The following ARHGEF10L variants were observed in gnomAD, a reference collection of about 807,000 sequenced individuals.
The protein encoded by ARHGEF10L is Rho guanine nucleotide exchange factor 10 like, also known as rho guanine nucleotide exchange factor 10-like protein.
A neutral mutation model predicts 141.2 loss-of-function variants in ARHGEF10L; 69 were observed. The ratio of observed to expected loss-of-function variants is 0.49; its 90% confidence interval spans 0.40 to 0.60. The LOEUF is 0.60. Ranked by LOEUF, ARHGEF10L falls within the 20% of genes least tolerant of loss-of-function variation. The probability of loss-of-function intolerance (pLI) is 0.00; values close to 1 mark genes in which losing one functional copy is unlikely to be tolerated. For synonymous variants in ARHGEF10L, 711 were observed against 718.5 expected, an observed-to-expected ratio of 0.99 and a Z score of 0.17; for missense variants, 1,482 against 1,734.3, an observed-to-expected ratio of 0.85 and a Z score of 2.58.
At chr1:17,626,409 G>A (rs1156915053) in intron 14 of ARHGEF10L, among the ~76,000 whole-genome samples, 4 of 152,086 alleles carry the variant, frequency 2.6e-5, no homozygotes, top group African/African-American at 9.7e-5. Context: ...CAGAACAGGG[G>A]ATTCCTAAGG....
At chr1:17,577,911 C>T (rs2078290796) in intron 1 of ARHGEF10L, among the ~76,000 whole-genome samples, 1 of 152,208 alleles carries the variant, frequency 6.6e-6, no homozygotes, top group Non-Finnish European at 1.5e-5. Context: ...TGGTGTCTCT[C>T]TTCCTTTCTA....
At chr1:17,666,498 T>C (rs1461870411) in intron 26 of ARHGEF10L, among the ~76,000 whole-genome samples, 1 of 151,990 alleles carries the variant, frequency 6.6e-6, no homozygotes. Context: ...CAGCATGAGC[T>C]CCAACCTCAT....
chr1:17,684,518 G>T (rs938295725), intron 26 of ARHGEF10L, among the ~76,000 whole-genome samples: 1 of 152,162 alleles, frequency 6.6e-6, no homozygotes, highest in Non-Finnish European at 1.5e-5. Context: ...TGAGGGCCGG[G>T]AGTGGGTGGC....
intron 27 of ARHGEF10L, among the ~76,000 whole-genome samples, chr1:17,690,170 C>A (rs758168073): frequency 1.3e-5 from 2 of 152,154 alleles, no homozygotes; most frequent in Non-Finnish European, 2.9e-5. Flanking sequence ...GCGGTTGTGT[C>A]CCTGTCCTGG....
chr1:17,517,889 T>C, the ARHGEF10L span, among the ~76,000 whole-genome samples: 1 of 152,192 alleles, frequency 6.6e-6, no homozygotes, highest in Non-Finnish European at 1.5e-5. Flanking sequence ...CTCAAACTCC[T>C]GAGCTCAGAT....
intron 4 of ARHGEF10L, among the ~76,000 whole-genome samples, chr1:17,601,135 T>C (rs1429923348): frequency 2.0e-5 from 3 of 151,050 alleles, no homozygotes; most frequent in Non-Finnish European, 4.4e-5. Context: ...TTCGGTACAA[T>C]GTTCCCCACT....
intron 18 of ARHGEF10L, among the ~76,000 whole-genome samples, chr1:17,636,900 C>G (rs1306929421): frequency 6.6e-6 from 1 of 152,102 alleles, no homozygotes; most frequent in Admixed American, 6.5e-5. Context: ...AGGGGCCTAG[C>G]GTTCAAGGCC....
chr1:17,691,287 G>A (rs1005208081), intron 27 of ARHGEF10L: 24 of 315,248 alleles, frequency 7.6e-5, no homozygotes, highest in Non-Finnish European at 1.3e-4. Context: ...GAAGTGTCTT[G>A]CTCTTTTCCT....
chr1:17,524,256 G>T, the ARHGEF10L span, among the ~76,000 whole-genome samples: 1 of 151,876 alleles, frequency 6.6e-6, no homozygotes, highest in Non-Finnish European at 1.5e-5. Flanking sequence ...AGTGAGCTGA[G>T]ATGGTGTCAC....
At chr1:17,664,328 C>T (rs967953677) in intron 25 of ARHGEF10L, 119 bp from the exon 26 acceptor site, 2 of 1,176,210 alleles carry the variant, frequency 1.7e-6, no homozygotes, top group Non-Finnish European at 2.3e-6. Flanking sequence ...AGAGAAAGGC[C>T]CTGGAGAGCG....
rs907750180 is a variant in ARHGEF10L at position 17,652,012 on chromosome 1, C to T, written c.2395-2624C>T. 1.4e-4 allele frequency among the ~76,000 whole-genome samples: 22 copies of T among 152,222 alleles called. 1 individual carries two copies. Among genetic ancestry groups the T allele is most frequent in the African/African-American group, 2.4e-5 (1 of 41,458 alleles). On this transcript the variant is annotated intron_variant, in intron 22 of 28. Coordinates refer to ENST00000361221, the MANE Select transcript of ARHGEF10L (RefSeq NM_018125.4). The stretch of plus-strand genomic sequence containing the variant: ...CAGAAGCAGATGTGACTGTGTGAAC[C>T]TCTGCCCAGGCCCCCTTCCAGCTCA...
rs34766409 is a variant in ARHGEF10L, at chr1:17,552,571, G to GTTTTT, written c.-44+12649_-44+12653dup. Among the ~76,000 whole-genome samples, 17 of 44,932 alleles carry GTTTTT rather than the reference G, an allele frequency of 3.8e-4. No individual in the cohort carries two copies. In the East Asian group the frequency reaches 4.1e-3, roughly 11 times the overall value. 29.5% of individuals were successfully genotyped at this position (44,932 alleles called of 152,430 possible). On this transcript the variant is annotated intron_variant, in intron 1 of 28. Coordinates refer to ENST00000361221, the MANE Select transcript of ARHGEF10L (RefSeq NM_018125.4). ...ATGCTACCACAGCTGGCTAATTTTCGTTTTTTTTTTTTTTTTTTTTTTTTT... is the reference window on the plus strand; with the variant it reads ...ATGCTACCACAGCTGGCTAATTTTCGTTTTTTTTTTTTTTTTTTTTTTTTTTTTTT...
At chr1:17,600,674 GC>G (rs1415640970) in intron 4 of ARHGEF10L, among the ~76,000 whole-genome samples, 1 of 152,068 alleles carries the variant, frequency 6.6e-6, no homozygotes, top group Non-Finnish European at 1.5e-5. Context: ...CCCACGTTGC[GC>G]TTAACTGTCA....
At chr1:17,688,318 G>A (rs935990053) in intron 27 of ARHGEF10L, among the ~76,000 whole-genome samples, 9 of 152,300 alleles carry the variant, frequency 5.9e-5, no homozygotes, top group African/African-American at 1.9e-4. Flanking sequence ...GAATGGCGGC[G>A]AAGGATTAAG....
intron 26 of ARHGEF10L, among the ~76,000 whole-genome samples, chr1:17,669,298 G>C (rs914683645): frequency 8.5e-5 from 13 of 152,328 alleles, no homozygotes; most frequent in Admixed American, 7.2e-4. Context: ...CTAGGACTGT[G>C]TTACCTCTAA....
chr1:17,604,165 C>T (rs2080961996), intron 6 of ARHGEF10L, among the ~76,000 whole-genome samples: 1 of 152,076 alleles, frequency 6.6e-6, no homozygotes, highest in South Asian at 2.1e-4. Context: ...CATGTAATGG[C>T]TTCAAGACTT....
rs561787324 is a variant in ARHGEF10L at position 17,625,775 on chromosome 1, T to A, written c.1318-181T>A. Among the ~76,000 whole-genome samples, 1 of 152,088 alleles carries A rather than the reference T, an allele frequency of 6.6e-6. No homozygotes were observed. The highest frequency in any genetic ancestry group is 1.5e-5 in the Non-Finnish European group (1 of 68,026). ...GTGCGCGGCCATGCAGGGGCACTGGTGGGAGAGGGATCCCTGGCTGCAGAA... is the reference window on the plus strand; with the variant it reads ...GTGCGCGGCCATGCAGGGGCACTGGAGGGAGAGGGATCCCTGGCTGCAGAA... On this transcript the variant is annotated intron_variant, in intron 13 of 28. Coordinates refer to ENST00000361221, the MANE Select transcript of ARHGEF10L (RefSeq NM_018125.4). The surrounding 1 kb of genome is among the most constrained non-coding windows in gnomAD (Gnocchi z 4.5).
At chr1:17,517,737 T>G in the ARHGEF10L span, among the ~76,000 whole-genome samples, 1 of 151,814 alleles carries the variant, frequency 6.6e-6, no homozygotes, top group East Asian at 1.9e-4. Flanking sequence ...CTTGGCTCAC[T>G]GCAACCTCCA....
In ARHGEF10L at chr1:17,639,782, C is replaced by T. The variant is rs765452050; in HGVS notation, c.2172-420C>T. On this transcript the variant is annotated intron_variant, in intron 20 of 28. Coordinates refer to ENST00000361221, the MANE Select transcript of ARHGEF10L (RefSeq NM_018125.4). This position sits in a 1 kb window ranked among gnomAD's most constrained non-coding sequence, Gnocchi z 4.3. The stretch of plus-strand genomic sequence containing the variant: ...GCAAACATTTACTGAGCAACTGTCC[C>T]ATGCCAGGTGCTGGGAACAGACCCA... 1 of 1,147,286 alleles carries T rather than the reference C, an allele frequency of 8.7e-7. No individual in the cohort carries two copies. 71.1% of individuals were successfully genotyped at this position (1,147,286 alleles called of 1,614,324 possible).
Sources: allele counts gnomAD v4.1 joint callset (sites outside exome capture counted in the v4.1 genomes callset), GRCh38; gene constraint gnomAD v4.1.1; non-coding constraint Gnocchi (gnomAD v3.1); transcripts MANE v1.5; gene names NCBI Gene and HGNC (gene_info 2026-07-23, HGNC 2026-07-21).